ZNF385D: variants seen among roughly 807,000 people sequenced by gnomAD.
ZNF385D encodes zinc finger protein 659.
A neutral mutation model predicts 35.8 loss-of-function variants in ZNF385D; 15 were observed. That is an observed-to-expected ratio of 0.42 (90% CI 0.28 to 0.64). The LOEUF (loss-of-function observed/expected upper bound fraction) is 0.64, where lower values mean the gene tolerates loss of function less well. Among genes scored for constraint, ZNF385D ranks in the 30% least tolerant of loss-of-function variants. The pLI, the probability that ZNF385D is intolerant of heterozygous loss-of-function variation, is 0.23. For missense variants in ZNF385D, 474 were observed against 494.6 expected (o/e 0.96, Z 0.39); for synonymous variants, 212 against 186.8 (o/e 1.13, Z -1.10).
At chr3:22,322,900 CCTGG>C (rs1473980265) in intron 2 of ZNF385D, among the ~76,000 whole-genome samples, 1 of 152,060 alleles carries the variant, frequency 6.6e-6, no homozygotes, top group African/African-American at 2.4e-5. Context: ...TGCTAACAGC[CCTGG>C]CTAAGTGTTA....
chr3:21,940,566 A>G (rs530759916), intron 3 of ZNF385D, among the ~76,000 whole-genome samples: 3 of 152,352 alleles, frequency 2.0e-5, no homozygotes, highest in South Asian at 4.1e-4. Flanking sequence ...TGCAGCAATG[A>G]AAACAAAACA....
At chr3:21,677,907 G>T (rs1196644109) in intron 1 of ZNF385D, among the ~76,000 whole-genome samples, 3 of 151,866 alleles carry the variant, frequency 2.0e-5, no homozygotes, top group Non-Finnish European at 4.4e-5. Flanking sequence ...TTTAATGCTC[G>T]TTCTTTGTAA....
At chr3:21,526,417 T>C (rs74421683) in intron 3 of ZNF385D, among the ~76,000 whole-genome samples, 1 of 152,196 alleles carries the variant, frequency 6.6e-6, no homozygotes, top group Admixed American at 6.5e-5. Context: ...GTTTTGTTTA[T>C]ATATTTGTTC....
At chr3:22,154,094 G>A (rs1230006279) in intron 3 of ZNF385D, among the ~76,000 whole-genome samples, 3 of 152,094 alleles carry the variant, frequency 2.0e-5, no homozygotes, top group African/African-American at 4.8e-5. Context: ...TGGGAGTAAG[G>A]ATCATCTCTG....
chr3:21,520,026 T>C (rs1400636378), intron 3 of ZNF385D, among the ~76,000 whole-genome samples: 1 of 152,204 alleles, frequency 6.6e-6, no homozygotes, highest in Non-Finnish European at 1.5e-5. Flanking sequence ...CTCCCCTCTC[T>C]GCTACTCCCA....
chr3:21,764,224 G>C (rs1348215305), intron 3 of ZNF385D, among the ~76,000 whole-genome samples: 1 of 152,156 alleles, frequency 6.6e-6, no homozygotes, highest in Admixed American at 6.6e-5. Context: ...GGATAAAGCA[G>C]TGTGGAGACA....
intron 6 of ZNF385D, among the ~76,000 whole-genome samples, chr3:21,424,611 C>G (rs1361869503): frequency 6.6e-6 from 1 of 150,578 alleles, no homozygotes; most frequent in Non-Finnish European, 1.5e-5. Flanking sequence ...CTGCGCCCAG[C>G]CTATTTTAGT....
At chr3:21,477,448 C>A (rs147208455) in intron 4 of ZNF385D, among the ~76,000 whole-genome samples, 81 of 152,034 alleles carry the variant, frequency 5.3e-4, no homozygotes, top group Middle Eastern at 3.4e-3. Context: ...TAATAAACAT[C>A]AAAAACATAC....
chr3:21,688,107 G>A (rs1322121079), intron 1 of ZNF385D, among the ~76,000 whole-genome samples: 1 of 151,830 alleles, frequency 6.6e-6, no homozygotes, highest in African/African-American at 2.4e-5. Context: ...ATTATTTTTG[G>A]TGTCTCTACT....
At chr3:22,004,087 A>T (rs563828543) in intron 3 of ZNF385D, among the ~76,000 whole-genome samples, 114 of 152,222 alleles carry the variant, frequency 7.5e-4, no homozygotes, top group Non-Finnish European at 1.2e-3. Context: ...TAACCAAAGG[A>T]ACAGAACCAA....
At chr3:22,005,083 A>AAAC (rs1553717904) in intron 3 of ZNF385D, among the ~76,000 whole-genome samples, 1 of 117,312 alleles carries the variant, frequency 8.5e-6, no homozygotes, top group African/African-American at 3.5e-5. Flanking sequence ...AAAAAAAAAA[A>AAAC]AGGCAGAAAA....
chr3:21,484,537 T>G (rs1704882588), intron 4 of ZNF385D, among the ~76,000 whole-genome samples: 1 of 152,154 alleles, frequency 6.6e-6, no homozygotes, highest in African/African-American at 2.4e-5. Context: ...TCATGCCAGC[T>G]TATAAAGAAG....
chr3:22,131,848 G>A (rs1398417175), intron 3 of ZNF385D, among the ~76,000 whole-genome samples: 1 of 152,176 alleles, frequency 6.6e-6, no homozygotes, highest in African/African-American at 2.4e-5. Flanking sequence ...CCAGTGGGTT[G>A]AGAGAAGGTA....
At chr3:22,127,065 T>C (rs1185938935) in intron 3 of ZNF385D, among the ~76,000 whole-genome samples, 1 of 152,080 alleles carries the variant, frequency 6.6e-6, no homozygotes, top group Non-Finnish European at 1.5e-5. Context: ...CTATTGTGTG[T>C]CTTTACAGGT....
At chr3:21,762,157 G>T (rs535426099) in intron 3 of ZNF385D, among the ~76,000 whole-genome samples, 3 of 152,026 alleles carry the variant, frequency 2.0e-5, no homozygotes, top group Admixed American at 6.6e-5. Flanking sequence ...GATTACAGGC[G>T]TGAGTCGCTG....
intron 3 of ZNF385D, among the ~76,000 whole-genome samples, chr3:21,526,447 C>A (rs564527599): frequency 2.6e-5 from 4 of 152,036 alleles, no homozygotes; most frequent in African/African-American, 9.7e-5. Context: ...TTGATACATG[C>A]GGCAATGTTT....
chr3:21,670,684 C>G (rs1368600319), intron 1 of ZNF385D, among the ~76,000 whole-genome samples: 1 of 96,188 alleles, frequency 1.0e-5, no homozygotes, highest in Non-Finnish European at 2.0e-5. Flanking sequence ...AATGACTGAA[C>G]GAATCCCCTT....
chr3:22,123,443 G>A (rs1246630513), intron 3 of ZNF385D, among the ~76,000 whole-genome samples: 1 of 152,142 alleles, frequency 6.6e-6, no homozygotes, highest in East Asian at 1.9e-4. Flanking sequence ...CATAAAATGT[G>A]TAATCACACC....
At chr3:22,028,893 T>G (rs1208705677) in intron 3 of ZNF385D, among the ~76,000 whole-genome samples, 1 of 152,072 alleles carries the variant, frequency 6.6e-6, no homozygotes, top group Non-Finnish European at 1.5e-5. Context: ...TGGGGCAAAG[T>G]TCTCTAGAAG....
Sources: allele counts gnomAD v4.1 joint callset (sites outside exome capture counted in the v4.1 genomes callset), GRCh38; gene constraint gnomAD v4.1.1; transcripts MANE v1.5; gene names NCBI Gene and HGNC (gene_info 2026-07-23, HGNC 2026-07-21).